Variants in ITPKB observed in about 807,000 individuals in gnomAD.
ITPKB encodes the protein IP3 3-kinase B.
A neutral mutation model predicts 69.4 loss-of-function variants in ITPKB; 13 were observed. The ratio of observed to expected loss-of-function variants is 0.19; its 90% confidence interval spans 0.12 to 0.30. The LOEUF is 0.30. Ranked by LOEUF, ITPKB falls within the 10% of genes least tolerant of loss-of-function variation. ITPKB has a pLI of 1.00. For missense variants in ITPKB, 1,240 were observed against 1,250.5 expected (o/e 0.99, Z 0.13); for synonymous variants, 584 against 513.7 (o/e 1.14, Z -1.85).
At chr1:226,696,433 A>G (rs756761060) in intron 2 of ITPKB, among the ~76,000 whole-genome samples, 21 of 152,140 alleles carry the variant, frequency 1.4e-4, no homozygotes, top group Non-Finnish European at 2.2e-4. Flanking sequence ...TGGCACGTAG[A>G]TAGCAACTTA....
chr1:226,644,344 G>C (rs149246552), intron 4 of ITPKB, among the ~76,000 whole-genome samples: 1 of 152,202 alleles, frequency 6.6e-6, no homozygotes, highest in African/African-American at 2.4e-5. Flanking sequence ...GCAGAGACCT[G>C]CTCGCCCACT....
chr1:226,673,938 G>T (rs1199523417), intron 2 of ITPKB, among the ~76,000 whole-genome samples: 1 of 152,096 alleles, frequency 6.6e-6, no homozygotes, highest in African/African-American at 2.4e-5. Context: ...ACACAAATGG[G>T]GGCCTTTCTT....
intron 3 of ITPKB, among the ~76,000 whole-genome samples, chr1:226,648,239 G>A (rs1197725357): frequency 6.6e-6 from 1 of 152,182 alleles, no homozygotes; most frequent in Non-Finnish European, 1.5e-5. Flanking sequence ...CATTAATGCC[G>A]CAACCCCCAG....
At chr1:226,737,869 C>T (rs1657854843) in intron 1 of ITPKB, among the ~76,000 whole-genome samples, 1 of 152,250 alleles carries the variant, frequency 6.6e-6, no homozygotes, top group Non-Finnish European at 1.5e-5. Flanking sequence ...GTGTGCTTCC[C>T]CGCCCCCCAC....
rs1290011270 is a variant in ITPKB at position 226,642,633 on chromosome 1, G to A, written c.2247-508C>T. ...AAGGAAGACGGAGGCAGGGCAGCAG[G>A]GGGTGTCGGGGGTGGCTGGTCCTGA... On this transcript the variant is annotated intron_variant, in intron 4 of 7. Transcript: ENST00000429204. The surrounding 1 kb of genome is among the most constrained non-coding windows in gnomAD (Gnocchi z 6.4). 1.3e-5 allele frequency among the ~76,000 whole-genome samples: 2 copies of A among 152,070 alleles called. No individual in the cohort carries two copies. The highest frequency in any genetic ancestry group is 1.5e-5 in the Non-Finnish European group (1 of 68,018).
chr1:226,658,403 C>T (rs144392439), intron 2 of ITPKB, among the ~76,000 whole-genome samples: 75 of 152,282 alleles, frequency 4.9e-4, no homozygotes, highest in African/African-American at 1.3e-3. Flanking sequence ...GGGCCAAAAG[C>T]GAAACCTGCC....
chr1:226,650,971 T>A (rs1275239441), intron 2 of ITPKB, among the ~76,000 whole-genome samples: 3 of 152,062 alleles, frequency 2.0e-5, no homozygotes, highest in African/African-American at 7.3e-5. Context: ...AGGGCTACTC[T>A]CCCAGCTGCA....
chr1:226,653,348 G>A (rs762634453), intron 2 of ITPKB, among the ~76,000 whole-genome samples: 3 of 152,198 alleles, frequency 2.0e-5, no homozygotes, highest in Non-Finnish European at 4.4e-5. Context: ...GGGGACAAGA[G>A]GCAGAAGACT....
intron 7 of ITPKB, among the ~76,000 whole-genome samples, chr1:226,635,324 G>A (rs1173531436): frequency 3.3e-5 from 5 of 152,164 alleles, no homozygotes; most frequent in South Asian, 4.2e-4. Context: ...AGGCTCAAGC[G>A]ATCCTCCCAC....
chr1:226,645,508 G>T lies in ITPKB; in HGVS notation c.2246+1659C>A, dbSNP rs768379846. 5.7e-4 allele frequency among the ~76,000 whole-genome samples: 87 copies of T among 152,284 alleles called. 1 individual carries two copies. The highest frequency in any genetic ancestry group is 3.4e-3 in the Middle Eastern group (1 of 294). On this transcript the variant is annotated intron_variant, in intron 4 of 7. Transcript: ENST00000429204. ...CTGTGCTTGGCTGGCTGTGTCTTTGGGACAGCCGACTTCCAGAAATGCCCA... is the reference window on the plus strand; with the variant it reads ...CTGTGCTTGGCTGGCTGTGTCTTTGTGACAGCCGACTTCCAGAAATGCCCA...
intron 2 of ITPKB, among the ~76,000 whole-genome samples, chr1:226,732,544 T>C (rs1205450902): frequency 6.8e-6 from 1 of 147,748 alleles, no homozygotes; most frequent in African/African-American, 2.6e-5. Context: ...AGCGTTCTTT[T>C]GTTTTTTTTT....
At chr1:226,726,979 A>G (rs558532336) in intron 2 of ITPKB, among the ~76,000 whole-genome samples, 3 of 152,286 alleles carry the variant, frequency 2.0e-5, no homozygotes, top group African/African-American at 7.2e-5. Flanking sequence ...CATTGCTAAG[A>G]GATTAAAATT....
chr1:226,647,510 G>C lies in ITPKB; in HGVS notation c.2033-130C>G, dbSNP rs1215490693. 22 of 668,994 alleles carry C rather than the reference G, an allele frequency of 3.3e-5. No individual in the cohort carries two copies. In the East Asian group the frequency reaches 6.0e-4, roughly 18 times the overall value. The allele number at this position is 668,994 out of a possible 1,614,324, so 41.4% of individuals were successfully genotyped here. On this transcript the variant is annotated intron_variant, in intron 3 of 7. Coordinates refer to ENST00000429204, the MANE Select transcript of ITPKB (RefSeq NM_002221.4). ...GGGCTGAAGGTGTGTCTATGTCCCT[G>C]CTATGGACTGAGCACCTTAAGGGGA...
intron 2 of ITPKB, among the ~76,000 whole-genome samples, chr1:226,725,160 C>G (rs1226397805): frequency 6.6e-6 from 1 of 152,240 alleles, no homozygotes; most frequent in African/African-American, 2.4e-5. Flanking sequence ...ACAACTTGTT[C>G]TTCAGTTTCA....
intron 2 of ITPKB, among the ~76,000 whole-genome samples, chr1:226,697,424 A>G (rs1417328720): frequency 6.6e-6 from 1 of 152,198 alleles, no homozygotes; most frequent in East Asian, 1.9e-4. Flanking sequence ...TAGACAAGAG[A>G]GCACTGTGAT....
chr1:226,729,481 C>CAAAAA (rs1222337089), intron 2 of ITPKB, among the ~76,000 whole-genome samples: 1 of 70,148 alleles, frequency 1.4e-5, no homozygotes, highest in African/African-American at 5.7e-5. Context: ...GACTCCACCT[C>CAAAAA]AAAAAAAAAA....
intron 4 of ITPKB, among the ~76,000 whole-genome samples, chr1:226,644,497 C>A (rs1037825144): frequency 6.6e-6 from 1 of 152,224 alleles, no homozygotes; most frequent in African/African-American, 2.4e-5. Flanking sequence ...CACCTGCACT[C>A]CCCAGGCCCC....
Position 226,634,401 on chromosome 1 carries a change from C to T in ITPKB, c.*270G>A. On this transcript the variant is annotated 3_prime_UTR_variant, in exon 8 of 8. Transcript: ENST00000429204. This position sits in a 1 kb window ranked among gnomAD's most constrained non-coding sequence, Gnocchi z 6.3. Reference sequence around the variant, plus strand: ...TAGGGTCCCCTCAGCAGCCAGGGACCCCCTCCAGCTCTACACCTGACCCAC... The same window carrying T: ...TAGGGTCCCCTCAGCAGCCAGGGACTCCCTCCAGCTCTACACCTGACCCAC... 1 of 442,394 alleles carries T rather than the reference C, an allele frequency of 2.3e-6. No homozygotes were observed. Among genetic ancestry groups the T allele is most frequent in the Non-Finnish European group, 4.1e-6 (1 of 244,936 alleles). 27.4% of individuals were successfully genotyped at this position (442,394 alleles called of 1,614,324 possible).
chr1:226,649,442 C>T (rs200811645), intron 2 of ITPKB, among the ~76,000 whole-genome samples: 26 of 135,944 alleles, frequency 1.9e-4, no homozygotes, highest in Non-Finnish European at 2.4e-4. Context: ...CGTATGTGTG[C>T]GTGTGTGTGC....
Sources: gnomAD v4.1 joint callset for allele counts (sites outside exome capture counted in the v4.1 genomes callset) on GRCh38, gnomAD v4.1.1 for gene constraint, Gnocchi (gnomAD v3.1) non-coding constraint, MANE v1.5 for transcripts, NCBI Gene and HGNC (gene_info 2026-07-23, HGNC 2026-07-21) for gene names.